WDR73: variants seen among roughly 807,000 people sequenced by gnomAD.
The protein encoded by WDR73 is WD repeat domain 73.
A neutral mutation model predicts 38.2 loss-of-function variants in WDR73; 30 were observed. The ratio of observed to expected loss-of-function variants is 0.79; its 90% CI spans 0.59 to 1.06. WDR73 has a LOEUF of 1.06. Among genes scored for constraint, WDR73 ranks in the 50% least tolerant of loss-of-function variants. WDR73 has a pLI of 0.00. For synonymous variants in WDR73, 197 were observed against 176.0 expected (o/e 1.12, Z -0.94); for missense variants, 487 against 467.0 (o/e 1.04, Z -0.40).
At position 84,646,321 on chromosome 15, in the gene WDR73, G is replaced by C. The variant is rs764113979; in HGVS notation, c.380C>G (p.Ala127Gly). 1 of 1,613,720 alleles carries C rather than the reference G, an allele frequency of 6.2e-7. No homozygotes were observed. ...GAGACTCTCCTCTTTCTCATGCACAGCAATGGTGCTGACAGCTTTAATGAC... is the reference window on the plus strand; with the variant it reads ...GAGACTCTCCTCTTTCTCATGCACACCAATGGTGCTGACAGCTTTAATGAC... Reference protein sequence around the residue: ...SDVIKAVSTIAVHEKEESLWP... With the variant: ...SDVIKAVSTIGVHEKEESLWP... The change falls in exon 6 of 8, where the codon GCT (alanine) becomes GGT (glycine). Residue 127 changes from alanine (A) to glycine (G), a missense_variant. By Grantham distance (60) the Ala-to-Gly change is moderately conservative (BLOSUM62 0). Coordinates refer to ENST00000434634, the MANE Select transcript of WDR73 (RefSeq NM_032856.5).
At position 84,641,413 on chromosome 15, in the gene WDR73, A is replaced by G. The variant is rs1158986627; in HGVS notation, c.*2057T>C. The G allele has an allele frequency of 6.6e-6, 1 of 152,252 alleles. No individual in the cohort carries two copies. The highest frequency in any genetic ancestry group is 6.5e-5 in the Admixed American group (1 of 15,280). 9.4% of individuals were successfully genotyped at this position (152,252 alleles called of 1,614,324 possible). On this transcript the variant is annotated 3_prime_UTR_variant, in exon 8 of 8. Transcript: ENST00000434634. Reference sequence around the variant, plus strand: ...TGTGGTGTGGAAAGCACAGGACTTGAGAAGCAGGTGGCACCCAGGAAAGCC... The same window carrying G: ...TGTGGTGTGGAAAGCACAGGACTTGGGAAGCAGGTGGCACCCAGGAAAGCC...
At chr15:84,653,087 T>A (rs756784806) in intron 2 of WDR73, 14 of 286,670 alleles carry the variant, frequency 4.9e-5, no homozygotes, top group Non-Finnish European at 9.1e-5. Context: ...CTCGGCTAAT[T>A]TTTGTATTTT....
chr15:84,640,429 G>A lies in WDR73; in HGVS notation c.*3041C>T, dbSNP rs1267785051. ...TCACAAAGACCACTTTGAGGCTCTT[G>A]CTCTGCTCTTTAGCCAAGGAGTCTC... On this transcript the variant is annotated 3_prime_UTR_variant, in exon 8 of 8. Transcript: ENST00000434634. The A allele has an allele frequency of 6.6e-6, 1 of 152,208 alleles. No homozygotes were observed. The highest frequency in any genetic ancestry group is 2.4e-5 in the African/African-American group (1 of 41,452). The allele number at this position is 152,208 out of a possible 1,614,324, so 9.4% of individuals were successfully genotyped here.
chr15:84,646,204 C>T lies in WDR73; in HGVS notation c.497G>A (p.Arg166Gln), dbSNP rs201121107. ...GGTACCTGAGGTGTACGTGGTCTTC[C>T]GGGACTCCAGATCAACGACCTGCAG... ...RSLQVVDLES[R>Q]KTTYTSDVSD... is the part of the protein sequence containing the mutation. The change falls in exon 6 of 8, where the codon CGG becomes CAG. Residue 166 changes from arginine to glutamine, a missense_variant. Transcript: ENST00000434634. 37 of 1,613,738 alleles carry T rather than the reference C, an allele frequency of 2.3e-5. No homozygotes were observed. The highest frequency in any genetic ancestry group is 1.6e-4 in the East Asian group (7 of 44,872).
chr15:84,643,707 G>A lies in WDR73; in HGVS notation c.900C>T (p.Val300=), dbSNP rs771856150. The A allele has an allele frequency of 6.2e-7, 1 of 1,613,264 alleles. No individual in the cohort carries two copies. ...CCCAAGATGTGGCATCATAGACCTG[G>A]ACTGTACCATCAAAACCTGAGAATA... ...CLAISGFDGT[V]QVYDATSWDG... Residue 300 remains valine, a synonymous_variant, in exon 8 of 8, where the codon GTC becomes GTT. Transcript: ENST00000434634.
At chr15:84,652,596 G>C in intron 3 of WDR73, 118 bp downstream of exon 3, 1 of 575,332 alleles carries the variant, frequency 1.7e-6, no homozygotes. Flanking sequence ...AGAAGGGCAG[G>C]CCTAGCGCTT....
chr15:84,646,482 T>C (rs982163279), intron 5 of WDR73, 134 bp from the exon 6 acceptor site: 3 of 1,355,068 alleles, frequency 2.2e-6, no homozygotes, highest in Non-Finnish European at 3.0e-6. Flanking sequence ...AGAGATGATG[T>C]TGAGACATAA....
intron 3 of WDR73, among the ~76,000 whole-genome samples, chr15:84,649,914 C>G (rs1386077259): frequency 2.0e-5 from 3 of 152,128 alleles, no homozygotes; most frequent in Non-Finnish European, 1.5e-5. Context: ...AGTCTACAAA[C>G]TTGGCATTTT....
Position 84,640,494 on chromosome 15 carries a change from G to C in WDR73, c.*2976C>G, listed in dbSNP as rs1896225663. On this transcript the variant is annotated 3_prime_UTR_variant, in exon 8 of 8. Coordinates refer to ENST00000434634, the MANE Select transcript of WDR73 (RefSeq NM_032856.5). ...GTAACAACATTACAGGAAGAGAGGA[G>C]AGAAAGGTAGGAGTTAAAGATCCAG... is the stretch of plus-strand genomic sequence containing the variant. 6.6e-6 allele frequency: 1 copy of C among 152,200 alleles called. No individual in the cohort carries two copies. 9.4% of individuals were successfully genotyped at this position (152,200 alleles called of 1,614,324 possible).
At chr15:84,648,461 G>A in intron 4 of WDR73, 76 bp downstream of exon 4, 1 of 1,038,406 alleles carries the variant, frequency 9.6e-7, no homozygotes, top group Non-Finnish European at 1.5e-6. Context: ...GAGATGAGGA[G>A]GCAGAATACC....
intron 3 of WDR73, among the ~76,000 whole-genome samples, chr15:84,651,539 T>A (rs1896624549): frequency 6.6e-6 from 1 of 152,116 alleles, no homozygotes; most frequent in Non-Finnish European, 1.5e-5. Context: ...ACTAATACCA[T>A]CCCCTGGACT....
At chr15:84,650,101 A>G (rs1358397073) in intron 3 of WDR73, among the ~76,000 whole-genome samples, 2 of 152,154 alleles carry the variant, frequency 1.3e-5, no homozygotes, top group African/African-American at 2.4e-5. Flanking sequence ...ATGTTTTTCT[A>G]TGTCCTTGTC....
intron 3 of WDR73, among the ~76,000 whole-genome samples, chr15:84,652,184 G>C (rs1468946655): frequency 1.3e-5 from 2 of 152,138 alleles, no homozygotes; most frequent in Non-Finnish European, 2.9e-5. Flanking sequence ...TTCTCTCAAT[G>C]ATTTTATTGG....
At chr15:84,645,143 G>C (rs1261124526) in intron 7 of WDR73, 1 of 1,114,688 alleles carries the variant, frequency 9.0e-7, no homozygotes, top group African/African-American at 1.6e-5. Context: ...GTAGGGACGG[G>C]GTTTCACCGT....
rs561977176 is a variant in WDR73 at position 84,654,265 on chromosome 15, C to T, written c.10G>A (p.Gly4Arg). 10 of 1,613,976 alleles carry T rather than the reference C, an allele frequency of 6.2e-6. No homozygotes were observed. In the South Asian group the frequency reaches 6.6e-5, roughly 11 times the overall value. ...AAGGATTCCACCAGCCAGTCGTCCC[C>T]AGGATCCATGGCAACGACCGCTTCC... MDP[G>R]DDWLVESLRL... The change falls in exon 1 of 8, where the codon GGG becomes AGG. Residue 4 changes from glycine (G) to arginine (R), a missense_variant. Gly to Arg is a moderately radical substitution (Grantham distance 125). Transcript: ENST00000434634.
chr15:84,651,188 G>C lies in WDR73; in HGVS notation c.198+1526C>G, dbSNP rs918670823. 3.3e-5 allele frequency among the ~76,000 whole-genome samples: 5 copies of C among 152,066 alleles called. No individual in the cohort carries two copies. The South Asian group carries it at 1.0e-3, about 31-fold the overall frequency. On this transcript the variant is annotated intron_variant, in intron 3 of 7. Transcript: ENST00000434634. ...GCCAGTAATCCCAGCACTTTGGGAG[G>C]CCGAAGCAGGCGGATCACTTGAAGC...
In WDR73 at chr15:84,653,756, T is replaced by TC. The variant is rs1469973874; in HGVS notation, c.42-58dup. 4.3e-6 allele frequency: 6 copies of TC among 1,382,708 alleles called. No individual in the cohort carries two copies. The Admixed American group carries it at 1.2e-4, about 27-fold the overall frequency. The allele number at this position is 1,382,708 out of a possible 1,614,324, so 85.7% of individuals were successfully genotyped here. On this transcript the variant is annotated intron_variant, in intron 1 of 7. Coordinates refer to ENST00000434634, the MANE Select transcript of WDR73 (RefSeq NM_032856.5). ...CACAGCACTTCACAGCTCAAAGAAC[T>TC]CCAAGATGGCAGCCGCATGGTTCAG...
chr15:84,648,671 A>C (rs779360714), intron 3 of WDR73, 46 bp from the exon 4 acceptor site: 1 of 1,465,204 alleles, frequency 6.8e-7, no homozygotes. Flanking sequence ...CTTCAAATGA[A>C]CATTTCAGAG....
In WDR73 at chr15:84,645,484, G is replaced by GC. The variant is rs1397064684; in HGVS notation, c.869dup (p.Cys290TrpfsTer8). 1 of 1,612,060 alleles carries GC rather than the reference G, an allele frequency of 6.2e-7. No individual in the cohort carries two copies. The highest frequency in any genetic ancestry group is 1.7e-5 in the Admixed American group (1 of 59,800). ...GCTCGGCAGTACCTGAGATGGCCAA[G>GC]CAATTCTTCAGGCCTGGGGCCCAAG... On this transcript the variant is annotated frameshift_variant, in exon 7 of 8. Coordinates refer to ENST00000434634, the MANE Select transcript of WDR73 (RefSeq NM_032856.5). LOFTEE classifies it high-confidence loss of function.
Sources: gnomAD v4.1 joint callset for allele counts (sites outside exome capture counted in the v4.1 genomes callset) on GRCh38, gnomAD v4.1.1 for gene constraint, MANE v1.5 for transcripts, NCBI Gene and HGNC (gene_info 2026-07-23, HGNC 2026-07-21) for gene names.